EXOC6B: variants seen among roughly 807,000 people sequenced by gnomAD.
EXOC6B encodes SEC15 homolog B.
Under a neutral mutation model 113.5 loss-of-function variants are expected in EXOC6B, and 54 were observed. The observed-to-expected ratio is 0.48, with a 90% confidence interval of 0.38 to 0.60. The LOEUF is 0.60. Among genes scored for constraint, EXOC6B ranks in the 20% least tolerant of loss-of-function variants. The probability of loss-of-function intolerance (pLI) is 0.00; values close to 1 mark genes in which losing one functional copy is unlikely to be tolerated. For missense variants in EXOC6B, 797 were observed against 977.5 expected, an observed-to-expected ratio of 0.82 and a Z score of 2.46; for synonymous variants, 357 against 339.0, an observed-to-expected ratio of 1.05 and a Z score of -0.58.
At chr2:72,506,809 T>C (rs1315933371) in intron 11 of EXOC6B, among the ~76,000 whole-genome samples, 1 of 152,150 alleles carries the variant, frequency 6.6e-6, no homozygotes, top group Non-Finnish European at 1.5e-5. Context: ...TCTTGGCTAT[T>C]TGTTCATATT....
chr2:72,698,745 A>G (rs1335901168), intron 6 of EXOC6B, among the ~76,000 whole-genome samples: 2 of 152,256 alleles, frequency 1.3e-5, no homozygotes, highest in Non-Finnish European at 2.9e-5. Context: ...CCAATCTATT[A>G]TCTAAACTTG....
At chr2:72,297,216 G>C (rs951568502) in intron 20 of EXOC6B, among the ~76,000 whole-genome samples, 3 of 152,058 alleles carry the variant, frequency 2.0e-5, no homozygotes, top group South Asian at 2.1e-4. Flanking sequence ...ACTTTTATTT[G>C]AGGTTCAGGG....
chr2:72,637,520 G>A (rs1672930643), intron 6 of EXOC6B, among the ~76,000 whole-genome samples: 3 of 116,740 alleles, frequency 2.6e-5, no homozygotes, highest in African/African-American at 7.4e-5. Context: ...CAGGTGCAGT[G>A]GCTCGCACCT....
At chr2:72,743,064 G>C (rs1440302758) in intron 1 of EXOC6B, among the ~76,000 whole-genome samples, 3 of 152,032 alleles carry the variant, frequency 2.0e-5, no homozygotes, top group African/African-American at 7.3e-5. Flanking sequence ...CAAAAATCTA[G>C]GAATGACTCC....
At chr2:72,627,783 A>G (rs1672150516) in intron 6 of EXOC6B, among the ~76,000 whole-genome samples, 1 of 152,132 alleles carries the variant, frequency 6.6e-6, no homozygotes, top group African/African-American at 2.4e-5. Flanking sequence ...TCTATTTCTC[A>G]TTTTTAGTTA....
chr2:72,406,932 G>T (rs560896879), intron 18 of EXOC6B, among the ~76,000 whole-genome samples: 107 of 152,176 alleles, frequency 7.0e-4, no homozygotes, highest in African/African-American at 2.5e-3. Flanking sequence ...TTTTTGAAAA[G>T]ATCAACAAAA....
intron 1 of EXOC6B, among the ~76,000 whole-genome samples, chr2:72,786,246 G>T (rs1684368747): frequency 6.6e-6 from 1 of 152,124 alleles, no homozygotes; most frequent in African/African-American, 2.4e-5. Context: ...GAAATACAAA[G>T]AAATTATATG....
At chr2:72,615,588 TA>T (rs754361086) in intron 6 of EXOC6B, among the ~76,000 whole-genome samples, 546 of 120,844 alleles carry the variant, frequency 4.5e-3, no homozygotes, top group African/African-American at 6.3e-3. Context: ...ATGCTGATAT[TA>T]AAAAAAAAAA....
At chr2:72,728,381 A>C (rs1680434613) in intron 5 of EXOC6B, among the ~76,000 whole-genome samples, 1 of 152,180 alleles carries the variant, frequency 6.6e-6, no homozygotes, top group African/African-American at 2.4e-5. Flanking sequence ...AACACTCTCA[A>C]GAAATTTTGA....
chr2:72,821,216 C>T (rs1363237802), intron 1 of EXOC6B, among the ~76,000 whole-genome samples: 2 of 151,860 alleles, frequency 1.3e-5, no homozygotes, highest in African/African-American at 2.4e-5. Flanking sequence ...TAAACAATGA[C>T]CAATAAGCAC....
rs1415034408 is a variant in EXOC6B, at chr2:72,550,917, TTA to T, written c.915+8534_915+8535del. Among the ~76,000 whole-genome samples the T allele has an allele frequency of 4.7e-3, 706 of 148,942 alleles. 4 individuals carry two copies. Among genetic ancestry groups the T allele is most frequent in the African/African-American group, 0.017 (668 of 39,422 alleles). On this transcript the variant is annotated intron_variant, in intron 8 of 21. Transcript: ENST00000272427. ...GAGATAACTGCCATTTATTTTTTTT[TTA>T]TTTTTTTTTTTTTTTTTGAGACGGA...
At chr2:72,357,551 C>T (rs906258181) in intron 19 of EXOC6B, among the ~76,000 whole-genome samples, 6 of 151,926 alleles carry the variant, frequency 3.9e-5, no homozygotes, top group African/African-American at 1.2e-4. Flanking sequence ...ATTAGCCAGG[C>T]GTTGGTGTTG....
intron 20 of EXOC6B, among the ~76,000 whole-genome samples, chr2:72,204,553 G>A (rs7575087): frequency 0.25 from 25,404 of 101,486 alleles, 2,381 homozygotes; most frequent in African/African-American, 0.47. Context: ...ACCAGAAGAA[G>A]AAAAAAAAAA....
intron 16 of EXOC6B, 86 bp downstream of exon 16, chr2:72,492,232 G>A: frequency 1.6e-6 from 1 of 633,448 alleles, no homozygotes. Context: ...CATGTAGAAA[G>A]TTTTAACGAA....
intron 20 of EXOC6B, among the ~76,000 whole-genome samples, chr2:72,297,556 T>C (rs1398317767): frequency 1.3e-5 from 2 of 152,194 alleles, no homozygotes; most frequent in African/African-American, 2.4e-5. Flanking sequence ...AGCTTTTGAA[T>C]GTGTTTGCTC....
chr2:72,360,482 A>G (rs1690244433), intron 19 of EXOC6B, among the ~76,000 whole-genome samples: 2 of 152,178 alleles, frequency 1.3e-5, no homozygotes, highest in African/African-American at 4.8e-5. Context: ...TTAAGGTATT[A>G]TCTTAAGTCA....
intron 11 of EXOC6B, among the ~76,000 whole-genome samples, chr2:72,502,416 C>T (rs1034947334): frequency 1.3e-4 from 20 of 152,072 alleles, no homozygotes; most frequent in African/African-American, 3.9e-4. Context: ...AGCATGGTGG[C>T]GCATGCCTAT....
chr2:72,767,563 A>G (rs1264072860), intron 1 of EXOC6B, among the ~76,000 whole-genome samples: 1 of 151,628 alleles, frequency 6.6e-6, no homozygotes, highest in Non-Finnish European at 1.5e-5. Flanking sequence ...CAATCCCAAC[A>G]CTTTGGGAGG....
chr2:72,496,545 G>A lies in EXOC6B; in HGVS notation c.1352C>T (p.Ser451Phe), dbSNP rs1404257812. Residue 451 changes from serine (S) to phenylalanine (F), a missense_variant, in exon 14 of 22, where the codon TCT becomes TTT. By Grantham distance (155) the Ser-to-Phe change is radical. Transcript: ENST00000272427. ...WAGIFRNILD[S>F]DNYSPIPVTS... is the part of the protein sequence containing the mutation. ...TACTGGTATAGGACTGTAGTTGTCA[G>A]AATCAAGTATGTTTCTATAAATGGA... 1.9e-6 allele frequency: 3 copies of A among 1,570,374 alleles called. No individual in the cohort carries two copies. Among genetic ancestry groups the A allele is most frequent in the Non-Finnish European group, 2.6e-6 (3 of 1,152,658 alleles).
Sources: allele counts gnomAD v4.1 joint callset (sites outside exome capture counted in the v4.1 genomes callset), GRCh38; gene constraint gnomAD v4.1.1; transcripts MANE v1.5; gene names NCBI Gene and HGNC (gene_info 2026-07-23, HGNC 2026-07-21).